The following NHEJ1 variants were observed in gnomAD, a reference collection of about 807,000 sequenced individuals.
NHEJ1 encodes the protein non-homologous end joining factor 1, also known as non-homologous end-joining factor 1.
A neutral mutation model predicts 39.4 loss-of-function variants in NHEJ1; 22 were observed. The ratio of observed to expected loss-of-function variants is 0.56; its 90% CI spans 0.40 to 0.80. The LOEUF (loss-of-function observed/expected upper bound fraction) is 0.80, where lower values mean the gene tolerates loss of function less well. Among genes scored for constraint, NHEJ1 ranks in the 30% least tolerant of loss-of-function variants. The pLI, the probability that NHEJ1 is intolerant of heterozygous loss-of-function variation, is 0.00. For synonymous variants in NHEJ1, 154 were observed against 135.6 expected (o/e 1.14, Z -0.94); for missense variants, 329 against 357.1 (o/e 0.92, Z 0.63).
At chr2:219,120,478 A>G (rs1300202744) in intron 5 of NHEJ1, among the ~76,000 whole-genome samples, 1 of 152,226 alleles carries the variant, frequency 6.6e-6, no homozygotes, top group Non-Finnish European at 1.5e-5. Context: ...GGGGGCAATG[A>G]ATGAGTATAT....
At chr2:219,136,054 A>G (rs376453592) in intron 5 of NHEJ1, among the ~76,000 whole-genome samples, 9 of 152,258 alleles carry the variant, frequency 5.9e-5, no homozygotes, top group African/African-American at 2.2e-4. Flanking sequence ...GTTGTCTTCT[A>G]TCCAGCCTGA....
intron 5 of NHEJ1, among the ~76,000 whole-genome samples, chr2:219,105,738 A>G (rs1388025973): frequency 6.6e-6 from 1 of 152,172 alleles, no homozygotes; most frequent in African/African-American, 2.4e-5. Flanking sequence ...TCTCTTCCTT[A>G]AAGTCTTCCC....
intron 5 of NHEJ1, chr2:219,095,495 T>C (rs760894079): frequency 2.5e-4 from 86 of 338,484 alleles, no homozygotes; most frequent in Non-Finnish European, 4.7e-4. Flanking sequence ...CTCCTTCCCA[T>C]ATCATTCCCC....
intron 3 of NHEJ1, among the ~76,000 whole-genome samples, chr2:219,152,740 T>C (rs1377995079): frequency 1.3e-5 from 2 of 151,946 alleles, no homozygotes; most frequent in African/African-American, 4.8e-5. Context: ...CTGGTGGGAC[T>C]ACAGGCATGA....
At position 219,114,173 on chromosome 2, in the gene NHEJ1, C is replaced by T. The variant is rs1574720257; in HGVS notation, c.588+32507G>A. Among the ~76,000 whole-genome samples, 3 of 152,340 alleles carry T rather than the reference C, an allele frequency of 2.0e-5. No homozygotes were observed. In the South Asian group the frequency reaches 6.2e-4, roughly 32 times the overall value. The stretch of plus-strand genomic sequence containing the variant: ...CATCCAGCAATTAGAAGTGACATGT[C>T]CAAGGACACTTTGCTTATGAAGGGG... On this transcript the variant is annotated intron_variant, in intron 5 of 7. Transcript: ENST00000356853.
At chr2:219,121,017 T>G (rs1289394693) in intron 5 of NHEJ1, among the ~76,000 whole-genome samples, 1 of 152,018 alleles carries the variant, frequency 6.6e-6, no homozygotes, top group East Asian at 1.9e-4. Flanking sequence ...ACCAACATGG[T>G]GAAACCCCAT....
rs1420775777 is a variant in NHEJ1 at position 219,111,426 on chromosome 2, G to A, written c.589-33220C>T. ...AACTCTCCTACAAGGGAAAGATATG[G>A]TGATGACATTAGCATTACAGAATAC... On this transcript the variant is annotated intron_variant, in intron 5 of 7. Transcript: ENST00000356853. The surrounding 1 kb of genome is among the most constrained non-coding windows in gnomAD (Gnocchi z 4.1). 6.6e-6 allele frequency among the ~76,000 whole-genome samples: 1 copy of A among 152,172 alleles called. No individual in the cohort carries two copies. Among genetic ancestry groups the A allele is most frequent in the East Asian group, 1.9e-4 (1 of 5,196 alleles).
rs934540447 is a variant in NHEJ1, at chr2:219,148,420, A to G, written c.391-625T>C. 1.2e-4 allele frequency among the ~76,000 whole-genome samples: 18 copies of G among 152,102 alleles called. 1 individual carries two copies. Among genetic ancestry groups the G allele is most frequent in the Admixed American group, 1.0e-3 (16 of 15,260 alleles). On this transcript the variant is annotated intron_variant, in intron 3 of 7. Coordinates refer to ENST00000356853, the MANE Select transcript of NHEJ1 (RefSeq NM_024782.3). ...AAAAATTTTTTAACATTAGCCAGGC[A>G]CAGTAGCATGCATCTGTAATCCCAA... is the stretch of plus-strand genomic sequence containing the variant.
At chr2:219,123,788 G>A (rs562866823) in intron 5 of NHEJ1, among the ~76,000 whole-genome samples, 1 of 152,202 alleles carries the variant, frequency 6.6e-6, no homozygotes, top group Non-Finnish European at 1.5e-5. Flanking sequence ...CACTCAAGAG[G>A]AACAGAGAGG....
chr2:219,143,167 TC>T (rs1211893035), intron 5 of NHEJ1, among the ~76,000 whole-genome samples: 1 of 152,094 alleles, frequency 6.6e-6, no homozygotes, highest in African/African-American at 2.4e-5. Flanking sequence ...TTGAGCTCTC[TC>T]CCTGGTTTGT....
At chr2:219,119,230 A>G (rs552262116) in intron 5 of NHEJ1, among the ~76,000 whole-genome samples, 8 of 152,364 alleles carry the variant, frequency 5.3e-5, no homozygotes, top group Middle Eastern at 3.4e-3. Context: ...AAAGTATTTC[A>G]AGATGGAAAT....
intron 5 of NHEJ1, among the ~76,000 whole-genome samples, chr2:219,083,991 A>G (rs970654591): frequency 3.4e-5 from 5 of 149,040 alleles, no homozygotes; most frequent in African/African-American, 1.2e-4. Flanking sequence ...TCAACTCAGG[A>G]TATTTTCTTT....
At chr2:219,160,043 C>A (rs1949915477) in intron 1 of NHEJ1, among the ~76,000 whole-genome samples, 1 of 152,120 alleles carries the variant, frequency 6.6e-6, no homozygotes, top group Non-Finnish European at 1.5e-5. Context: ...TCCCGTTCTG[C>A]GTCCGAAGCT....
chr2:219,081,241 T>C (rs1949064501), intron 5 of NHEJ1, among the ~76,000 whole-genome samples: 1 of 151,526 alleles, frequency 6.6e-6, no homozygotes, highest in Non-Finnish European at 1.5e-5. Flanking sequence ...GGAAGAGAGG[T>C]GGAGAGGCAG....
intron 5 of NHEJ1, among the ~76,000 whole-genome samples, chr2:219,080,677 G>A (rs1274075366): frequency 2.2e-5 from 2 of 90,968 alleles, no homozygotes; most frequent in African/African-American, 6.9e-5. Flanking sequence ...TTTTATATAT[G>A]CTAATATATA....
chr2:219,076,844 A>G (rs755123016), intron 7 of NHEJ1, among the ~76,000 whole-genome samples: 9 of 152,138 alleles, frequency 5.9e-5, no homozygotes, highest in Non-Finnish European at 1.2e-4. Context: ...CCAGCTACAA[A>G]GAGGAGGCAT....
intron 3 of NHEJ1, among the ~76,000 whole-genome samples, chr2:219,154,117 C>A (rs1320238912): frequency 2.0e-5 from 3 of 152,044 alleles, no homozygotes; most frequent in Non-Finnish European, 4.4e-5. Flanking sequence ...TTAAAAAACA[C>A]AAAGGCAGGT....
chr2:219,132,656 C>T (rs983985654), intron 5 of NHEJ1, among the ~76,000 whole-genome samples: 1 of 152,178 alleles, frequency 6.6e-6, no homozygotes, highest in African/African-American at 2.4e-5. Flanking sequence ...TTGTGTAACT[C>T]AGTGAAAGAT....
rs374540910 is a variant in NHEJ1 at position 219,074,054 on chromosome 2, C to T, written c.*2327G>A. Among the ~76,000 whole-genome samples the T allele has an allele frequency of 9.7e-4, 147 of 152,328 alleles. 4 individuals are homozygous for T. Among genetic ancestry groups the T allele is most frequent in the Middle Eastern group, 3.4e-3 (1 of 294 alleles). On this transcript the variant is annotated 3_prime_UTR_variant, in exon 8 of 8. Coordinates refer to ENST00000356853, the MANE Select transcript of NHEJ1 (RefSeq NM_024782.3). The stretch of plus-strand genomic sequence containing the variant: ...CCCTAGCTTTGCGGGGTAAGGGCTT[C>T]GGGGCAAGAATGCCTGTGGCAGGGC...
Sources: gnomAD v4.1 joint callset for allele counts (sites outside exome capture counted in the v4.1 genomes callset) on GRCh38, gnomAD v4.1.1 for gene constraint, Gnocchi (gnomAD v3.1) non-coding constraint, MANE v1.5 for transcripts, NCBI Gene and HGNC (gene_info 2026-07-23, HGNC 2026-07-21) for gene names.